Variants in TMEM178B observed in about 807,000 individuals in gnomAD.
TMEM178B encodes transmembrane protein 178B.
In TMEM178B, 5 loss-of-function variants were observed where a neutral mutation model predicts 31.0. The observed-to-expected ratio is 0.16, with a 90% confidence interval of 0.08 to 0.34. The LOEUF (loss-of-function observed/expected upper bound fraction) is 0.34, where lower values mean the gene tolerates loss of function less well. TMEM178B is among the 10% of genes least tolerant of loss of function. The pLI, the probability that TMEM178B is intolerant of heterozygous loss-of-function variation, is 1.00. For synonymous variants in TMEM178B, 164 were observed against 164.0 expected (o/e 1.00, Z 0.00); for missense variants, 275 against 400.3 (o/e 0.69, Z 2.67).
At chr7:141,212,748 TC>T (rs1797070763) in intron 2 of TMEM178B, 44 bp downstream of exon 2, 27 of 1,463,144 alleles carry the variant, frequency 1.8e-5, no homozygotes, top group Non-Finnish European at 2.5e-5. Flanking sequence ...TGCTGTGAGG[TC>T]CCCTTTGGAG....
At chr7:141,128,865 T>C (rs1289548387) in intron 1 of TMEM178B, among the ~76,000 whole-genome samples, 1 of 152,140 alleles carries the variant, frequency 6.6e-6, no homozygotes, top group Non-Finnish European at 1.5e-5. Context: ...TTCCAGGATG[T>C]TTGCCATCAC....
intron 2 of TMEM178B, among the ~76,000 whole-genome samples, chr7:141,387,151 T>TA (rs1253555092): frequency 6.6e-6 from 1 of 152,192 alleles, no homozygotes; most frequent in Admixed American, 6.5e-5. Context: ...ACAGTCTTCC[T>TA]GCTTTGAAGG....
At chr7:141,082,910 T>C (rs1173449617) in intron 1 of TMEM178B, among the ~76,000 whole-genome samples, 1 of 152,242 alleles carries the variant, frequency 6.6e-6, no homozygotes, top group Non-Finnish European at 1.5e-5. Context: ...AGAGCCTTTT[T>C]TTCTGTTGAA....
chr7:141,221,098 A>T (rs1797250461), intron 2 of TMEM178B, among the ~76,000 whole-genome samples: 1 of 152,222 alleles, frequency 6.6e-6, no homozygotes, highest in African/African-American at 2.4e-5. Context: ...GCAGGGGAAA[A>T]AAAACAATAT....
At chr7:141,392,513 C>G (rs1800561831) in intron 2 of TMEM178B, among the ~76,000 whole-genome samples, 1 of 152,100 alleles carries the variant, frequency 6.6e-6, no homozygotes. Flanking sequence ...ACCCTTCATC[C>G]CTGCATACAT....
intron 2 of TMEM178B, among the ~76,000 whole-genome samples, chr7:141,398,353 C>T (rs764695723): frequency 2.0e-5 from 3 of 152,068 alleles, no homozygotes; most frequent in Non-Finnish European, 4.4e-5. Flanking sequence ...ATGGAGGGAT[C>T]CTCTGTTTTG....
chr7:141,192,524 T>C (rs1375971354), intron 1 of TMEM178B, among the ~76,000 whole-genome samples: 2 of 151,892 alleles, frequency 1.3e-5, no homozygotes, highest in Non-Finnish European at 2.9e-5. Context: ...AGTCTCACTC[T>C]GTCGCCCAGG....
At chr7:141,233,408 A>G (rs1399194986) in intron 2 of TMEM178B, among the ~76,000 whole-genome samples, 1 of 152,230 alleles carries the variant, frequency 6.6e-6, no homozygotes, top group Non-Finnish European at 1.5e-5. Flanking sequence ...CAGCTGCGTG[A>G]GCACTGTTCT....
chr7:141,384,138 A>C (rs1398870579), intron 2 of TMEM178B, among the ~76,000 whole-genome samples: 6 of 152,242 alleles, frequency 3.9e-5, no homozygotes, highest in African/African-American at 1.4e-4. Context: ...AGACGAGTAG[A>C]TTGCAAAAAT....
intron 2 of TMEM178B, among the ~76,000 whole-genome samples, chr7:141,279,867 T>C (rs1798326770): frequency 6.6e-6 from 1 of 152,238 alleles, no homozygotes; most frequent in Non-Finnish European, 1.5e-5. Flanking sequence ...AGTTATTCAC[T>C]TCTGGGATCC....
intron 2 of TMEM178B, among the ~76,000 whole-genome samples, chr7:141,241,352 G>A (rs1797615528): frequency 6.6e-6 from 1 of 152,010 alleles, no homozygotes; most frequent in South Asian, 2.1e-4. Flanking sequence ...AGCACTTTGG[G>A]AGGCTGAGGT....
intron 2 of TMEM178B, among the ~76,000 whole-genome samples, chr7:141,350,262 T>C (rs1182321467): frequency 6.6e-6 from 1 of 152,138 alleles, no homozygotes; most frequent in Non-Finnish European, 1.5e-5. Flanking sequence ...AGGCCTTCTT[T>C]GACCATCCCA....
downstream of TMEM178B, among the ~76,000 whole-genome samples, chr7:141,482,186 C>T (rs762767524): frequency 3.3e-5 from 5 of 152,164 alleles, no homozygotes; most frequent in African/African-American, 7.2e-5. Flanking sequence ...AGCTTCTGGG[C>T]GCAAATGTTC....
At chr7:141,088,449 G>T (rs913262919) in intron 1 of TMEM178B, among the ~76,000 whole-genome samples, 3 of 152,078 alleles carry the variant, frequency 2.0e-5, no homozygotes, top group African/African-American at 7.2e-5. Context: ...TCCTCAGACT[G>T]TGTAGATATC....
At chr7:141,263,836 A>T (rs549369875) in intron 2 of TMEM178B, among the ~76,000 whole-genome samples, 1 of 152,212 alleles carries the variant, frequency 6.6e-6, no homozygotes, top group East Asian at 1.9e-4. Flanking sequence ...TTTACTTTCC[A>T]TAGTTCTGTA....
the TMEM178B span, among the ~76,000 whole-genome samples, chr7:141,510,734 G>C: frequency 1.1e-5 from 1 of 91,668 alleles, no homozygotes; most frequent in South Asian, 3.4e-4. Flanking sequence ...AATGAGCTCA[G>C]AAAGTGCTTG....
intron 1 of TMEM178B, among the ~76,000 whole-genome samples, chr7:141,175,024 G>A (rs1796404864): frequency 6.6e-6 from 1 of 152,172 alleles, no homozygotes; most frequent in Admixed American, 6.5e-5. Flanking sequence ...TTTTAGTCAT[G>A]AAGTCTTTGC....
intron 2 of TMEM178B, among the ~76,000 whole-genome samples, chr7:141,244,228 G>A (rs1797689554): frequency 6.6e-6 from 1 of 152,196 alleles, no homozygotes; most frequent in Non-Finnish European, 1.5e-5. Flanking sequence ...TTGGAAGTAT[G>A]TCTATGTAAC....
chr7:141,088,233 C>A lies in TMEM178B; in HGVS notation c.382+13541C>A, dbSNP rs538006751. 1.8e-4 allele frequency among the ~76,000 whole-genome samples: 27 copies of A among 152,148 alleles called. No individual in the cohort carries two copies. The South Asian group carries it at 5.6e-3, about 32-fold the overall frequency. On this transcript the variant is annotated intron_variant, in intron 1 of 3. Coordinates refer to ENST00000565468, the MANE Select transcript of TMEM178B (RefSeq NM_001195278.2). ...GAAGGTGACTTGCTTGGCCCTTGTT[C>A]TTTTTAGTTGTGGCTTCTCTGCTTG...
Sources: gnomAD v4.1 joint callset for allele counts (sites outside exome capture counted in the v4.1 genomes callset) on GRCh38, gnomAD v4.1.1 for gene constraint, MANE v1.5 for transcripts, NCBI Gene and HGNC (gene_info 2026-07-23, HGNC 2026-07-21) for gene names.